The following SYCP2 variants were observed in gnomAD, a reference collection of about 807,000 sequenced individuals.
The protein encoded by SYCP2 is synaptonemal complex protein 2, also known as synaptonemal complex lateral element protein.
Under a neutral mutation model 211.3 loss-of-function variants are expected in SYCP2, and 55 were observed. The observed-to-expected ratio is 0.26, with a 90% CI of 0.21 to 0.33. The LOEUF is 0.33. Ranked by LOEUF, SYCP2 falls within the 10% of genes least tolerant of loss-of-function variation. The pLI is 1.00. For synonymous variants in SYCP2, 570 were observed against 555.2 expected, an observed-to-expected ratio of 1.03 and a Z score of -0.37; for missense variants, 1,731 against 1,752.0, an observed-to-expected ratio of 0.99 and a Z score of 0.21.
intron 26 of SYCP2, among the ~76,000 whole-genome samples, chr20:59,885,461 C>T (rs2059768041): frequency 6.6e-6 from 1 of 152,018 alleles, no homozygotes; most frequent in Admixed American, 6.6e-5. Flanking sequence ...GAAGAACTTA[C>T]AGAGGGTGAA....
At chr20:59,917,206 CTCAT>C (rs1454580787) in intron 7 of SYCP2, among the ~76,000 whole-genome samples, 1 of 151,816 alleles carries the variant, frequency 6.6e-6, no homozygotes, top group East Asian at 1.9e-4. Context: ...CAAAACTGAC[CTCAT>C]TAATTTTTAG....
chr20:59,868,003 T>A (rs935775446), intron 38 of SYCP2, among the ~76,000 whole-genome samples, 156 bp from the exon 39 acceptor site: 1 of 151,858 alleles, frequency 6.6e-6, no homozygotes, highest in Non-Finnish European at 1.5e-5. Flanking sequence ...ATGTTTTTTT[T>A]AATTTAAAAA....
chr20:59,903,412 T>G (rs1484580100), intron 15 of SYCP2, among the ~76,000 whole-genome samples: 1 of 152,072 alleles, frequency 6.6e-6, no homozygotes, highest in African/African-American at 2.4e-5. Context: ...AAAGATAGCT[T>G]CAGGAAGACA....
intron 2 of SYCP2, among the ~76,000 whole-genome samples, chr20:59,928,660 A>G (rs989484518): frequency 1.3e-5 from 2 of 152,168 alleles, no homozygotes; most frequent in East Asian, 3.8e-4. Context: ...GAATTCAAAC[A>G]CATAAGCATA....
chr20:59,885,096 G>A (rs921907715), intron 26 of SYCP2: 1 of 151,964 alleles, frequency 6.6e-6, no homozygotes, highest in Admixed American at 6.6e-5. Context: ...ACTTAGGAAA[G>A]ACTTACTTCA....
Position 59,916,495 on chromosome 20 carries a change from A to T in SYCP2, c.504T>A (p.Ile168=). 6.2e-7 allele frequency: 1 copy of T among 1,601,012 alleles called. No homozygotes were observed. The highest frequency in any genetic ancestry group is 8.6e-7 in the Non-Finnish European group (1 of 1,169,032). The part of the protein sequence containing the change: ...LVIDSRVNIC[I]QQEIIKKMNA... The stretch of plus-strand genomic sequence containing the variant: ...AAATAAATGACTTTACCTCTTGCTG[A>T]ATACAAATATTCACTCTTGAGTCAA... Residue 168 remains isoleucine (I), a synonymous_variant, in exon 8 of 45, where the codon ATT becomes ATA. Coordinates refer to ENST00000357552, the MANE Select transcript of SYCP2 (RefSeq NM_014258.4).
chr20:59,876,343 C>T (rs2059554237), intron 33 of SYCP2, among the ~76,000 whole-genome samples: 1 of 112,120 alleles, frequency 8.9e-6, no homozygotes, highest in Admixed American at 1.3e-4. Flanking sequence ...TGCACTCCAG[C>T]CTGGTGACAA....
chr20:59,915,248 AG>A, intron 9 of SYCP2, 49 bp from the exon 10 acceptor site: 2 of 1,350,932 alleles, frequency 1.5e-6, no homozygotes, highest in Non-Finnish European at 2.1e-6. Context: ...TCAATTAAAT[AG>A]GAAGTCCACA....
chr20:59,930,103 G>GCCCTA (rs2060708545), intron 2 of SYCP2, among the ~76,000 whole-genome samples: 1 of 152,022 alleles, frequency 6.6e-6, no homozygotes, highest in Non-Finnish European at 1.5e-5. Context: ...CCAGGACTCA[G>GCCCTA]CCCTACCCCC....
At chr20:59,864,449 A>C in intron 44 of SYCP2, 61 bp from the exon 45 acceptor site, 1 of 1,161,672 alleles carries the variant, frequency 8.6e-7, no homozygotes, top group Non-Finnish European at 1.2e-6. Flanking sequence ...AAACCACCAA[A>C]TAAAATAGAA....
At chr20:59,882,067 A>G in intron 27 of SYCP2, 28 bp downstream of exon 27, 1 of 1,609,234 alleles carries the variant, frequency 6.2e-7, no homozygotes, top group African/African-American at 1.3e-5. Flanking sequence ...ATATGAAGAA[A>G]ATGAAAAATA....
intron 32 of SYCP2, 115 bp from the exon 33 acceptor site, chr20:59,877,670 ATTC>A: frequency 1.2e-6 from 1 of 829,942 alleles, no homozygotes; most frequent in Non-Finnish European, 1.9e-6. Context: ...TGTAAGAATG[ATTC>A]TTGATTAACA....
chr20:59,868,189 T>G (rs888446787), intron 38 of SYCP2, among the ~76,000 whole-genome samples: 4 of 151,796 alleles, frequency 2.6e-5, no homozygotes, highest in Admixed American at 6.6e-5. Context: ...CTAGTTAACC[T>G]AAATGTGATA....
At chr20:59,916,651 G>C in intron 7 of SYCP2, 80 bp from the exon 8 acceptor site, 1 of 962,890 alleles carries the variant, frequency 1.0e-6, no homozygotes, top group Non-Finnish European at 1.6e-6. Flanking sequence ...AAGAGTTAGT[G>C]GAAAGGGGCC....
Position 59,895,450 on chromosome 20 carries a change from T to G in SYCP2, c.1652A>C (p.Asp551Ala), listed in dbSNP as rs760472876. 1 of 1,602,722 alleles carries G rather than the reference T, an allele frequency of 6.2e-7. No homozygotes were observed. The stretch of plus-strand genomic sequence containing the variant: ...AGGTAAAGTTACTTTGTCTATATTA[T>G]CTCTTCTATGTCTTCCTTCTGATGA... ...SRSSEGRHRR[D>A]NIDKHIKTAK... Residue 551 changes from aspartate (D) to alanine (A), a missense_variant, in exon 20 of 45, where the codon GAT becomes GCT. Transcript: ENST00000357552.
chr20:59,928,449 A>G (rs1271514896), intron 2 of SYCP2, among the ~76,000 whole-genome samples: 4 of 152,170 alleles, frequency 2.6e-5, no homozygotes, highest in Non-Finnish European at 5.9e-5. Flanking sequence ...AAATCACAAA[A>G]TAATAATTTG....
intron 35 of SYCP2, among the ~76,000 whole-genome samples, chr20:59,870,377 AAAAC>A (rs141035959): frequency 0.019 from 2,942 of 152,024 alleles, 42 homozygotes; most frequent in Middle Eastern, 0.041. Context: ...TGTTGGAGAT[AAAAC>A]AATCAATAGT....
chr20:59,903,869 T>G (rs114456277), intron 15 of SYCP2, among the ~76,000 whole-genome samples: 3,070 of 152,250 alleles, frequency 0.02, 80 homozygotes, highest in African/African-American at 0.069. Flanking sequence ...GACTTCCACT[T>G]CTGGGGAAAA....
At chr20:59,929,086 C>A (rs572318338) in intron 2 of SYCP2, among the ~76,000 whole-genome samples, 105 of 152,004 alleles carry the variant, frequency 6.9e-4, no homozygotes, top group Admixed American at 3.1e-3. Context: ...AAGCAATAAC[C>A]CAACAGCAAA....
Sources: gnomAD v4.1 joint callset for allele counts (sites outside exome capture counted in the v4.1 genomes callset) on GRCh38, gnomAD v4.1.1 for gene constraint, MANE v1.5 for transcripts, NCBI Gene and HGNC (gene_info 2026-07-23, HGNC 2026-07-21) for gene names.